Variants in HECA observed in about 807,000 individuals in gnomAD.
HECA encodes HECA ribonucleoprotein granule regulator.
Under a neutral mutation model 37.6 loss-of-function variants are expected in HECA, and 13 were observed. That is an observed-to-expected ratio of 0.35 (90% confidence interval 0.23 to 0.55). HECA has a LOEUF of 0.55. Ranked by LOEUF, HECA falls within the 20% of genes least tolerant of loss-of-function variation. The pLI, the probability that HECA is intolerant of heterozygous loss-of-function variation, is 0.90. For synonymous variants in HECA, 307 were observed against 291.5 expected (o/e 1.05, Z -0.54); for missense variants, 527 against 701.9 (o/e 0.75, Z 2.82).
chr6:139,166,004 C>T (rs1407555462), intron 1 of HECA: 6 of 318,608 alleles, frequency 1.9e-5, no homozygotes, highest in Non-Finnish European at 2.8e-5. Flanking sequence ...GGTATGAGAC[C>T]GTCTATGTTC....
intron 1 of HECA, among the ~76,000 whole-genome samples, chr6:139,156,756 T>C (rs1774723195): frequency 6.6e-6 from 1 of 152,260 alleles, no homozygotes; most frequent in South Asian, 2.1e-4. Context: ...GCATACTCTA[T>C]CCTTAGACTA....
rs745596346 is a variant in HECA, at chr6:139,176,341, G to A, written c.1468-600G>A. ...TACTTTTTAAGTACATTTTTAAAAT[G>A]AGTCTAAATTGAGTCTGTTTTATTT... On this transcript the variant is annotated intron_variant, in intron 3 of 3. Transcript: ENST00000367658. This position sits in a 1 kb window ranked among gnomAD's most constrained non-coding sequence, Gnocchi z 4.5. 1.3e-5 allele frequency among the ~76,000 whole-genome samples: 2 copies of A among 152,164 alleles called. No homozygotes were observed. The highest frequency in any genetic ancestry group is 2.4e-5 in the African/African-American group (1 of 41,440).
chr6:139,142,275 G>A (rs1025876483), intron 1 of HECA, among the ~76,000 whole-genome samples: 5 of 152,080 alleles, frequency 3.3e-5, no homozygotes, highest in African/African-American at 1.2e-4. Flanking sequence ...TGTTGCACTG[G>A]GGATTAAGTT....
At chr6:139,156,387 T>C (rs536462409) in intron 1 of HECA, among the ~76,000 whole-genome samples, 1 of 152,204 alleles carries the variant, frequency 6.6e-6, no homozygotes, top group South Asian at 2.1e-4. Flanking sequence ...ATTTTCTTTT[T>C]TTGATAGAGA....
At chr6:139,157,499 G>A (rs1774734190) in intron 1 of HECA, among the ~76,000 whole-genome samples, 1 of 152,222 alleles carries the variant, frequency 6.6e-6, no homozygotes, top group Non-Finnish European at 1.5e-5. Flanking sequence ...GTTAGAAGAA[G>A]ATAATTTTGA....
chr6:139,167,834 C>T (rs1374418413), intron 2 of HECA, among the ~76,000 whole-genome samples: 1 of 152,026 alleles, frequency 6.6e-6, no homozygotes, highest in South Asian at 2.1e-4. Flanking sequence ...GACATTAGCC[C>T]GGTGGTGGTG....
At chr6:139,146,748 CAT>C (rs1774588707) in intron 1 of HECA, among the ~76,000 whole-genome samples, 1 of 152,174 alleles carries the variant, frequency 6.6e-6, no homozygotes, top group South Asian at 2.1e-4. Context: ...TGCCTGAAAA[CAT>C]AGGGAAGCTC....
In HECA at chr6:139,135,562, G is replaced by A. The variant is rs1774421739; in HGVS notation, c.166G>A (p.Gly56Ser). Reference protein sequence around the residue: ...AAAGCGAAAAGAPGAGGAAGA... With the variant: ...AAAGCGAAAASAPGAGGAAGA... ...GGCCGGTTGCGGGGCGGCGGCGGCG[G>A]GCGCGCCGGGCGCCGGAGGCGCGGC... The change falls in exon 1 of 4, where the codon GGC (glycine) becomes AGC (serine). Residue 56 changes from glycine to serine, a missense_variant. Gly to Ser is a moderately conservative substitution (Grantham distance 56). Around this residue, in one of 4 missense-constraint regions of HECA, gnomAD observed 172 missense variants for 197.6 expected, o/e 0.87. Transcript: ENST00000367658. 1 of 974,206 alleles carries A rather than the reference G, an allele frequency of 1.0e-6. No individual in the cohort carries two copies. The highest frequency in any genetic ancestry group is 6.4e-5 in the Admixed American group (1 of 15,620). The allele number at this position is 974,206 out of a possible 1,614,324, so 60.3% of individuals were successfully genotyped here.
At chr6:139,155,078 T>C (rs1774696158) in intron 1 of HECA, among the ~76,000 whole-genome samples, 1 of 152,226 alleles carries the variant, frequency 6.6e-6, no homozygotes, top group Non-Finnish European at 1.5e-5. Context: ...TCATCAGGCG[T>C]ACATCATAGA....
In HECA at chr6:139,147,948, C is replaced by T. The variant is rs115922758; in HGVS notation, c.271+12281C>T. On this transcript the variant is annotated intron_variant, in intron 1 of 3. Transcript: ENST00000367658. The stretch of plus-strand genomic sequence containing the variant: ...ACCATCAGTGGTGGTGCAGTTCCTT[C>T]GCACTCTGTAATGTAAATTTCGATT... 2.7e-3 allele frequency among the ~76,000 whole-genome samples: 417 copies of T among 152,318 alleles called. 3 individuals carry two copies. Among genetic ancestry groups the T allele is most frequent in the African/African-American group, 9.6e-3 (398 of 41,574 alleles).
At chr6:139,154,258 G>T (rs529026093) in intron 1 of HECA, among the ~76,000 whole-genome samples, 4 of 152,168 alleles carry the variant, frequency 2.6e-5, no homozygotes, top group Non-Finnish European at 2.9e-5. Flanking sequence ...ATTGACAATT[G>T]GTCAAATCCA....
At chr6:139,142,376 A>G (rs1774524264) in intron 1 of HECA, among the ~76,000 whole-genome samples, 1 of 152,168 alleles carries the variant, frequency 6.6e-6, no homozygotes, top group African/African-American at 2.4e-5. Flanking sequence ...TCCAAGGATT[A>G]TGCATATTCT....
At chr6:139,168,723 T>C (rs2114479338) in intron 2 of HECA, among the ~76,000 whole-genome samples, 1 of 152,306 alleles carries the variant, frequency 6.6e-6, no homozygotes, top group East Asian at 1.9e-4. Flanking sequence ...TCTCAGCTTT[T>C]AGGAAACATC....
intron 1 of HECA, among the ~76,000 whole-genome samples, chr6:139,143,566 T>A (rs982430161): frequency 7.2e-5 from 11 of 152,138 alleles, no homozygotes; most frequent in African/African-American, 2.4e-4. Context: ...ATCTTCCTTA[T>A]ATAGAAATAA....
chr6:139,166,739 C>A lies in HECA; in HGVS notation c.727C>A (p.His243Asn). The part of the protein sequence containing the change: ...KGPSHDLPRR[H>N]SMDRQNSQEK... ...CCCAAGCCACGACCTCCCCCGCCGG[C>A]ATTCCATGGACCGGCAGAACTCCCA... The change falls in exon 2 of 4, where the codon CAT (histidine) becomes AAT (asparagine). Residue 243 changes from histidine to asparagine, a missense_variant. Coordinates refer to ENST00000367658, the MANE Select transcript of HECA (RefSeq NM_016217.3). 1 of 1,613,508 alleles carries A rather than the reference C, an allele frequency of 6.2e-7. No individual in the cohort carries two copies.
At chr6:139,162,486 G>T (rs1280494330) in intron 1 of HECA, among the ~76,000 whole-genome samples, 1 of 152,232 alleles carries the variant, frequency 6.6e-6, no homozygotes, top group Non-Finnish European at 1.5e-5. Context: ...AAATGGTCCT[G>T]CCTGGATTCC....
intron 1 of HECA, among the ~76,000 whole-genome samples, chr6:139,141,695 A>G (rs1356435985): frequency 1.3e-5 from 2 of 152,070 alleles, no homozygotes; most frequent in Admixed American, 6.5e-5. Flanking sequence ...TGTTCCTTCA[A>G]GCACTTTTAT....
chr6:139,174,619 G>A, intron 3 of HECA, 80 bp downstream of exon 3: 8 of 1,535,898 alleles, frequency 5.2e-6, no homozygotes, highest in Non-Finnish European at 7.0e-6. Context: ...GATGCGTCTG[G>A]CAATAAAGAA....
chr6:139,163,352 C>CTTTTT (rs60943037), intron 1 of HECA, among the ~76,000 whole-genome samples: 1 of 142,464 alleles, frequency 7.0e-6, no homozygotes, highest in South Asian at 2.3e-4. Context: ...GTTCTCCATT[C>CTTTTT]TTTTTTTTTT....
Sources: allele counts gnomAD v4.1 joint callset (sites outside exome capture counted in the v4.1 genomes callset), GRCh38; gene constraint gnomAD v4.1.1; regional missense constraint gnomAD v4.1.1; non-coding constraint Gnocchi (gnomAD v3.1); transcripts MANE v1.5; gene names NCBI Gene and HGNC (gene_info 2026-07-23, HGNC 2026-07-21).